The following REEP1 variants were observed in gnomAD, a reference collection of about 807,000 sequenced individuals.
The protein encoded by REEP1 is receptor expression-enhancing protein 1.
REEP1 carries 22 observed loss-of-function variants against 40.3 expected under a neutral mutation model. The observed-to-expected ratio is 0.55, with a 90% CI of 0.39 to 0.78. The LOEUF (loss-of-function observed/expected upper bound fraction) is 0.78. Ranked by LOEUF, REEP1 falls within the 30% of genes least tolerant of loss-of-function variation. The probability of loss-of-function intolerance (pLI) is 0.00; values close to 1 mark genes in which losing one functional copy is unlikely to be tolerated. For synonymous variants in REEP1, 116 were observed against 139.2 expected, an observed-to-expected ratio of 0.83 and a Z score of 1.17; for missense variants, 280 against 361.1, an observed-to-expected ratio of 0.78 and a Z score of 1.82.
rs1673993790 is a variant in REEP1 at position 86,214,364 on chromosome 2, G to C, written c.*2675C>G. On this transcript the variant is annotated 3_prime_UTR_variant, in exon 9 of 9. Transcript: ENST00000538924. ...AACACATTTCAAAGGCCAGCAAAGTGAGCAAGCTATTCACACAAAGCCAGG... is the reference window on the plus strand; with the variant it reads ...AACACATTTCAAAGGCCAGCAAAGTCAGCAAGCTATTCACACAAAGCCAGG... The C allele has an allele frequency of 6.6e-6, 1 of 152,664 alleles. No homozygotes were observed. Among genetic ancestry groups the C allele is most frequent in the Non-Finnish European group, 1.5e-5 (1 of 68,062 alleles). The allele number at this position is 152,664 out of a possible 1,614,324, so 9.5% of individuals were successfully genotyped here.
At chr2:86,257,964 C>T (rs1282925433) in intron 3 of REEP1, among the ~76,000 whole-genome samples, 2 of 152,146 alleles carry the variant, frequency 1.3e-5, no homozygotes, top group Non-Finnish European at 2.9e-5. Flanking sequence ...GTATGAGCAC[C>T]GGCTCAGGCC....
chr2:86,287,614 A>T lies in REEP1; in HGVS notation c.33-5372T>A, dbSNP rs139269167. Reference sequence around the variant, plus strand: ...TTTTTATCACTTTTTATGAGCATTAATCTCCAAGACTGTTTTCGCTGTCTA... The same window carrying T: ...TTTTTATCACTTTTTATGAGCATTATTCTCCAAGACTGTTTTCGCTGTCTA... On this transcript the variant is annotated intron_variant, in intron 1 of 8. Coordinates refer to ENST00000538924, the MANE Select transcript of REEP1 (RefSeq NM_001371279.1). 2.5e-4 allele frequency among the ~76,000 whole-genome samples: 38 copies of T among 152,294 alleles called. 1 individual carries two copies. In the Middle Eastern group the frequency reaches 0.014, roughly 55 times the overall value.
chr2:86,291,845 G>T (rs1033968883), intron 1 of REEP1, among the ~76,000 whole-genome samples: 1 of 152,088 alleles, frequency 6.6e-6, no homozygotes, highest in Non-Finnish European at 1.5e-5. Flanking sequence ...TTTTAAGTTG[G>T]ATTTTTATGC....
intron 7 of REEP1, among the ~76,000 whole-genome samples, chr2:86,227,042 G>A (rs753898239): frequency 2.0e-5 from 3 of 152,154 alleles, no homozygotes; most frequent in Non-Finnish European, 4.4e-5. Context: ...GAGAGGCCCA[G>A]CCAACAGCCA....
upstream of REEP1, chr2:86,338,083 CA>C (rs1558945560): frequency 6.5e-7 from 1 of 1,537,264 alleles, no homozygotes; most frequent in South Asian, 1.2e-5. Context: ...GCATAAGAAA[CA>C]AACCTGGGCG....
intron 1 of REEP1, among the ~76,000 whole-genome samples, chr2:86,306,978 G>C (rs567862603): frequency 6.6e-6 from 1 of 152,108 alleles, no homozygotes; most frequent in South Asian, 2.1e-4. Context: ...GCTGAGGTGG[G>C]CGGATCACCT....
At chr2:86,273,396 C>T (rs1677572074) in intron 2 of REEP1, among the ~76,000 whole-genome samples, 1 of 151,850 alleles carries the variant, frequency 6.6e-6, no homozygotes, top group Non-Finnish European at 1.5e-5. Context: ...GTGATTCTCC[C>T]ACTCAGCGTC....
At chr2:86,263,801 A>C (rs1251951908) in intron 3 of REEP1, among the ~76,000 whole-genome samples, 164 bp downstream of exon 3, 3 of 152,212 alleles carry the variant, frequency 2.0e-5, no homozygotes, top group Non-Finnish European at 2.9e-5. Context: ...CTTGAAGAAC[A>C]ACTTTGTGGA....
At chr2:86,308,376 T>A (rs1442301848) in intron 1 of REEP1, among the ~76,000 whole-genome samples, 1 of 86,302 alleles carries the variant, frequency 1.2e-5, no homozygotes, top group African/African-American at 3.9e-5. Context: ...ACTCCATTTC[T>A]ACTAAAAATA....
At chr2:86,323,473 C>T (rs1573052539) in intron 1 of REEP1, among the ~76,000 whole-genome samples, 1 of 152,122 alleles carries the variant, frequency 6.6e-6, no homozygotes, top group African/African-American at 2.4e-5. Flanking sequence ...ACCTGAACTC[C>T]GCCTCCTGTC....
intron 1 of REEP1, among the ~76,000 whole-genome samples, chr2:86,284,169 C>A (rs78924465): frequency 0.01 from 1,552 of 152,196 alleles, 28 homozygotes; most frequent in African/African-American, 0.035. Flanking sequence ...CTTGCCTGCC[C>A]CCTCCTAAGC....
At chr2:86,270,170 CTTTTGTTTGTTT>C (rs1344935113) in intron 2 of REEP1, among the ~76,000 whole-genome samples, 2,072 of 139,094 alleles carry the variant, frequency 0.015, 28 homozygotes, top group Admixed American at 0.048. Flanking sequence ...TATCATTTTT[CTTTTGTTTGTTT>C]GTTTGTTTGT....
chr2:86,310,750 T>G (rs557210060), intron 1 of REEP1, among the ~76,000 whole-genome samples: 24 of 152,268 alleles, frequency 1.6e-4, no homozygotes, highest in Admixed American at 1.1e-3. Context: ...TGTGTGTATG[T>G]GTAGTAATAA....
intron 1 of REEP1, among the ~76,000 whole-genome samples, chr2:86,317,900 ATGAC>A (rs1037329212): frequency 4.0e-4 from 61 of 152,298 alleles, no homozygotes; most frequent in African/African-American, 1.4e-3. Context: ...AGTTACTTGA[ATGAC>A]TGATGAACTC....
chr2:86,263,382 A>G (rs568682173), intron 3 of REEP1, among the ~76,000 whole-genome samples: 3 of 152,118 alleles, frequency 2.0e-5, no homozygotes, highest in African/African-American at 7.2e-5. Flanking sequence ...GGTGTGCACC[A>G]CCATGCCCGG....
chr2:86,289,578 C>A (rs1189387792), intron 1 of REEP1, among the ~76,000 whole-genome samples: 2 of 152,028 alleles, frequency 1.3e-5, no homozygotes, highest in East Asian at 1.9e-4. Flanking sequence ...CACATAAAAC[C>A]TTATTTAGAT....
chr2:86,236,985 T>C (rs370599439), intron 5 of REEP1, among the ~76,000 whole-genome samples: 13 of 152,284 alleles, frequency 8.5e-5, no homozygotes, highest in South Asian at 2.1e-4. Context: ...CCGCCCGCCT[T>C]GGCCTCCCAA....
intron 1 of REEP1, among the ~76,000 whole-genome samples, chr2:86,330,414 G>GGTGTGT (rs55660803): frequency 0.057 from 7,266 of 127,794 alleles, 322 homozygotes; most frequent in East Asian, 0.1. Context: ...AGTGAATCCT[G>GGTGTGT]GTGTGTGTGT....
At chr2:86,319,336 G>A (rs1486649701) in intron 1 of REEP1, among the ~76,000 whole-genome samples, 1 of 152,194 alleles carries the variant, frequency 6.6e-6, no homozygotes, top group Non-Finnish European at 1.5e-5. Context: ...CTTCTATAAA[G>A]CTTGGACCAT....
Sources: allele counts gnomAD v4.1 joint callset (sites outside exome capture counted in the v4.1 genomes callset), GRCh38; gene constraint gnomAD v4.1.1; transcripts MANE v1.5; gene names NCBI Gene and HGNC (gene_info 2026-07-23, HGNC 2026-07-21).